TBCK: variants seen among roughly 807,000 people sequenced by gnomAD.
TBCK encodes TBC domain-containing protein kinase-like protein.
Under a neutral mutation model 113.4 loss-of-function variants are expected in TBCK, and 99 were observed. That is an observed-to-expected ratio of 0.87 (90% CI 0.74 to 1.03). TBCK has a LOEUF of 1.03. Ranked by LOEUF, TBCK falls within the 50% of genes least tolerant of loss-of-function variation. The pLI is 0.00. For synonymous variants in TBCK, 369 were observed against 370.8 expected (o/e 1.00, Z 0.05); for missense variants, 1,045 against 1,061.3 (o/e 0.98, Z 0.21).
chr4:106,313,242 G>T (rs903120913), intron 1 of TBCK, among the ~76,000 whole-genome samples: 1 of 152,076 alleles, frequency 6.6e-6, no homozygotes, highest in African/African-American at 2.4e-5. Flanking sequence ...CAGCAATAAT[G>T]AAAGTCAGAA....
intron 10 of TBCK, 140 bp downstream of exon 10, chr4:106,246,999 T>G (rs1197829459): frequency 2.3e-6 from 2 of 870,884 alleles, no homozygotes; most frequent in Admixed American, 6.6e-5. Context: ...AGTTATATTT[T>G]AATCACTTCC....
At chr4:106,254,346 C>T (rs1761756172) in intron 5 of TBCK, among the ~76,000 whole-genome samples, 1 of 152,214 alleles carries the variant, frequency 6.6e-6, no homozygotes. Context: ...CAAGGGCAAA[C>T]ATTGCTAGCA....
chr4:106,105,826 C>T (rs968551952), intron 24 of TBCK, among the ~76,000 whole-genome samples: 6 of 152,328 alleles, frequency 3.9e-5, no homozygotes, highest in Non-Finnish European at 7.4e-5. Context: ...AATGCAAGAA[C>T]TCCAGTAACT....
intron 20 of TBCK, among the ~76,000 whole-genome samples, chr4:106,210,764 A>G (rs907060145): frequency 6.6e-6 from 1 of 152,188 alleles, no homozygotes; most frequent in East Asian, 1.9e-4. Flanking sequence ...TGCTTGGTAC[A>G]CAGTAAACAT....
intron 22 of TBCK, among the ~76,000 whole-genome samples, chr4:106,174,641 T>C (rs1751419925): frequency 6.6e-6 from 1 of 152,150 alleles, no homozygotes; most frequent in Non-Finnish European, 1.5e-5. Context: ...TTTTTGATGT[T>C]TGTGATAATT....
chr4:106,124,955 A>G (rs1744976361), intron 23 of TBCK, among the ~76,000 whole-genome samples: 1 of 151,596 alleles, frequency 6.6e-6, no homozygotes, highest in Non-Finnish European at 1.5e-5. Context: ...TACATATGTA[A>G]CTAACCTGCA....
intron 3 of TBCK, among the ~76,000 whole-genome samples, chr4:106,282,990 A>C (rs559529727): frequency 1.8e-4 from 27 of 152,178 alleles, no homozygotes; most frequent in Non-Finnish European, 3.4e-4. Context: ...AGCCACAAGA[A>C]AAGAAATTGA....
intron 23 of TBCK, among the ~76,000 whole-genome samples, chr4:106,141,543 C>G (rs895227880): frequency 7.1e-6 from 1 of 140,496 alleles, no homozygotes; most frequent in Non-Finnish European, 1.6e-5. Context: ...GTTTAAGAGT[C>G]TATGTCCTTA....
intron 23 of TBCK, among the ~76,000 whole-genome samples, chr4:106,121,136 G>A (rs1488245796): frequency 3.3e-5 from 5 of 152,056 alleles, no homozygotes; most frequent in East Asian, 1.9e-4. Flanking sequence ...CCCATCTCAC[G>A]TGCAGAGACA....
rs1019754626 is a variant in TBCK, at chr4:106,137,000, G to C, written c.2236-20622C>G. Reference sequence around the variant, plus strand: ...TGGCTCTTAAGTTTTGAACATGGTTGATTAGAAAAAAAGATATTAACAGTG... The same window carrying C: ...TGGCTCTTAAGTTTTGAACATGGTTCATTAGAAAAAAAGATATTAACAGTG... On this transcript the variant is annotated intron_variant, in intron 23 of 25. Transcript: ENST00000394708. Among the ~76,000 whole-genome samples, 2 of 141,072 alleles carry C rather than the reference G, an allele frequency of 1.4e-5. 1 individual carries two copies. The highest frequency in any genetic ancestry group is 3.2e-5 in the Non-Finnish European group (2 of 62,078). 92.5% of individuals were successfully genotyped at this position (141,072 alleles called of 152,430 possible).
chr4:106,130,860 A>T (rs922355701), intron 23 of TBCK, among the ~76,000 whole-genome samples: 1 of 152,234 alleles, frequency 6.6e-6, no homozygotes, highest in African/African-American at 2.4e-5. Flanking sequence ...GTTTACAGCA[A>T]TGTAAAAAGA....
At chr4:106,070,577 A>G (rs980100044) in intron 25 of TBCK, among the ~76,000 whole-genome samples, 6 of 152,102 alleles carry the variant, frequency 3.9e-5, no homozygotes, top group African/African-American at 1.4e-4. Flanking sequence ...ATGGGTGTTC[A>G]TCATGGATAT....
At chr4:106,129,673 TA>T (rs1351375965) in intron 23 of TBCK, among the ~76,000 whole-genome samples, 1 of 152,130 alleles carries the variant, frequency 6.6e-6, no homozygotes, top group East Asian at 1.9e-4. Context: ...AAATAGGTAA[TA>T]AAAATGTTTT....
chr4:106,282,518 T>C (rs1296777578), intron 3 of TBCK, among the ~76,000 whole-genome samples: 1 of 152,138 alleles, frequency 6.6e-6, no homozygotes, highest in Non-Finnish European at 1.5e-5. Flanking sequence ...TTTTTAACTT[T>C]ATTGATGTAG....
At chr4:106,236,234 C>G (rs534492744) in intron 14 of TBCK, among the ~76,000 whole-genome samples, 156 bp downstream of exon 14, 2 of 151,794 alleles carry the variant, frequency 1.3e-5, no homozygotes, top group South Asian at 4.1e-4. Flanking sequence ...TTACTAAGAA[C>G]ATGTATCATT....
intron 22 of TBCK, among the ~76,000 whole-genome samples, chr4:106,183,710 T>G (rs1752671797): frequency 1.3e-5 from 2 of 152,068 alleles, no homozygotes; most frequent in South Asian, 2.1e-4. Flanking sequence ...CTAAAGAAAG[T>G]TGGTGAGTTT....
At chr4:106,064,300 T>C (rs1373526921) in intron 25 of TBCK, among the ~76,000 whole-genome samples, 1 of 151,976 alleles carries the variant, frequency 6.6e-6, no homozygotes, top group Non-Finnish European at 1.5e-5. Flanking sequence ...AAGTATCAGT[T>C]ACTCACACTG....
At position 106,096,048 on chromosome 4, in the gene TBCK, T is replaced by C. The variant is rs944377606; in HGVS notation, c.2412-407A>G. On this transcript the variant is annotated intron_variant, in intron 24 of 25. Coordinates refer to ENST00000394708, the MANE Select transcript of TBCK (RefSeq NM_001163435.3). ...AAAGAAAAGGGTATGACATTAATAA[T>C]GAGAGAAAGAACTGTAAATAAGTTC... is the stretch of plus-strand genomic sequence containing the variant. 1.3e-4 allele frequency among the ~76,000 whole-genome samples: 20 copies of C among 152,130 alleles called. 1 individual carries two copies. In the East Asian group the frequency reaches 3.3e-3, roughly 25 times the overall value.
intron 23 of TBCK, among the ~76,000 whole-genome samples, chr4:106,170,111 C>A (rs1392557428): frequency 1.3e-5 from 2 of 152,034 alleles, no homozygotes; most frequent in East Asian, 3.9e-4. Flanking sequence ...TCTAGAACAA[C>A]ATTTACCATT....
Sources: allele counts gnomAD v4.1 joint callset (sites outside exome capture counted in the v4.1 genomes callset), GRCh38; gene constraint gnomAD v4.1.1; transcripts MANE v1.5; gene names NCBI Gene and HGNC (gene_info 2026-07-23, HGNC 2026-07-21).